The following LRRC72 variants were observed in gnomAD, a reference collection of about 807,000 sequenced individuals.
The protein encoded by LRRC72 is leucine-rich repeat-containing protein 72.
A neutral mutation model predicts 35.8 loss-of-function variants in LRRC72; 41 were observed. The observed-to-expected ratio is 1.15, with a 90% CI of 0.89 to 1.49. The LOEUF (loss-of-function observed/expected upper bound fraction) is 1.49, where lower values mean the gene tolerates loss of function less well. Ranked by LOEUF, LRRC72 falls within the 40% of genes most tolerant of loss-of-function variation. LRRC72 has a pLI of 0.00. For synonymous variants in LRRC72, 118 were observed against 119.2 expected (o/e 0.99, Z 0.07); for missense variants, 389 against 330.7 (o/e 1.18, Z -1.37).
intron 7 of LRRC72, among the ~76,000 whole-genome samples, chr7:16,572,593 A>C (rs1167558857): frequency 6.6e-6 from 1 of 152,238 alleles, no homozygotes; most frequent in Non-Finnish European, 1.5e-5. Context: ...CCTTCAATAA[A>C]ATTCAACACC....
intron 5 of LRRC72, among the ~76,000 whole-genome samples, chr7:16,565,230 C>T (rs1471135659): frequency 2.6e-5 from 4 of 152,114 alleles, no homozygotes; most frequent in East Asian, 1.9e-4. Flanking sequence ...GTCAGCAGTT[C>T]GAGACCAGCC....
At chr7:16,575,802 T>A (rs2128339209) in intron 7 of LRRC72, among the ~76,000 whole-genome samples, 1 of 152,244 alleles carries the variant, frequency 6.6e-6, no homozygotes, top group Middle Eastern at 3.4e-3. Flanking sequence ...ATAGAAAATC[T>A]CCCCTCTTAA....
intron 3 of LRRC72, among the ~76,000 whole-genome samples, chr7:16,538,665 G>A (rs761719481): frequency 6.6e-6 from 1 of 152,204 alleles, no homozygotes; most frequent in Non-Finnish European, 1.5e-5. Flanking sequence ...ATCTCAAATT[G>A]TAATTTCCAC....
At position 16,562,645 on chromosome 7, in the gene LRRC72, CA is replaced by C. The variant is rs542855187; in HGVS notation, c.427+3648del. ...CTGCCGTTGTCTTCAGCAGTGGCCC[CA>C]ATCCACTGCCCATGGCAAAAAGCCA... is the stretch of plus-strand genomic sequence containing the variant. On this transcript the variant is annotated intron_variant, in intron 5 of 8. Coordinates refer to ENST00000401542, the MANE Select transcript of LRRC72 (RefSeq NM_001195280.2). Among the ~76,000 whole-genome samples, 228 of 152,294 alleles carry C rather than the reference CA, an allele frequency of 1.5e-3. 1 individual carries two copies. Among genetic ancestry groups the C allele is most frequent in the African/African-American group, 5.2e-3 (218 of 41,570 alleles).
At chr7:16,541,807 G>A (rs528325136) in intron 3 of LRRC72, among the ~76,000 whole-genome samples, 16 of 152,206 alleles carry the variant, frequency 1.1e-4, no homozygotes, top group African/African-American at 3.1e-4. Flanking sequence ...AGCTACTCGC[G>A]AAGCAGAGGA....
At chr7:16,537,724 C>G in intron 3 of LRRC72, 28 bp downstream of exon 3, 1 of 1,218,212 alleles carries the variant, frequency 8.2e-7, no homozygotes, top group Non-Finnish European at 1.1e-6. Flanking sequence ...CTTTCAATTA[C>G]TAAAATTAAA....
chr7:16,581,471 C>T lies in LRRC72; in HGVS notation c.846C>T (p.Leu282=). The change falls in exon 9 of 9, where the codon CTC becomes CTT. Residue 282 remains leucine (L), a synonymous_variant. Coordinates refer to ENST00000401542, the MANE Select transcript of LRRC72 (RefSeq NM_001195280.2). ...AAGGCACAGAAACAGCTCAAATGCT[C>T]ACAGTTACACTGAGATAAGCCCTGG... ...EEEGTETAQM[L]TVTLR is the part of the protein sequence containing the mutation. 4 of 1,547,416 alleles carry T rather than the reference C, an allele frequency of 2.6e-6. No individual in the cohort carries two copies. Among genetic ancestry groups the T allele is most frequent in the Non-Finnish European group, 3.5e-6 (4 of 1,145,784 alleles).
chr7:16,539,249 C>T (rs1396305092), intron 3 of LRRC72, among the ~76,000 whole-genome samples: 1 of 152,168 alleles, frequency 6.6e-6, no homozygotes. Flanking sequence ...GAGTAAAGGT[C>T]ACTCATGCTA....
chr7:16,555,537 C>T (rs1325672228), intron 3 of LRRC72, among the ~76,000 whole-genome samples: 1 of 152,150 alleles, frequency 6.6e-6, no homozygotes, highest in Non-Finnish European at 1.5e-5. Flanking sequence ...ATTCGGGAGG[C>T]CAAGGCGGGT....
intron 1 of LRRC72, chr7:16,530,382 C>A (rs1341991813): frequency 6.6e-6 from 1 of 152,126 alleles, no homozygotes; most frequent in Non-Finnish European, 1.5e-5. Flanking sequence ...TCTATTGGGG[C>A]CCTCAGTGGA....
At chr7:16,535,690 A>C (rs771227239) in intron 2 of LRRC72, among the ~76,000 whole-genome samples, 1 of 152,152 alleles carries the variant, frequency 6.6e-6, no homozygotes, top group Non-Finnish European at 1.5e-5. Flanking sequence ...CTTCATCAAG[A>C]GTGGGGCAGA....
intron 2 of LRRC72, chr7:16,537,161 T>A (rs1782271360): frequency 6.5e-6 from 1 of 153,180 alleles, no homozygotes; most frequent in South Asian, 2.1e-4. Flanking sequence ...GTCTGTCTCT[T>A]GGTGTCCTGC....
intron 3 of LRRC72, among the ~76,000 whole-genome samples, chr7:16,550,751 T>C (rs1250659675): frequency 6.6e-6 from 1 of 152,240 alleles, no homozygotes; most frequent in Non-Finnish European, 1.5e-5. Flanking sequence ...TTCTTTCTCT[T>C]TCCTGCCCTC....
chr7:16,551,496 C>G (rs1035727727), intron 3 of LRRC72, among the ~76,000 whole-genome samples: 50 of 152,262 alleles, frequency 3.3e-4, no homozygotes, highest in African/African-American at 1.2e-3. Context: ...AAGGTTGGGA[C>G]TTCTGCTTCC....
chr7:16,542,648 A>T (rs1782377029), intron 3 of LRRC72, among the ~76,000 whole-genome samples: 1 of 152,244 alleles, frequency 6.6e-6, no homozygotes, highest in Non-Finnish European at 1.5e-5. Context: ...TTCCAAAGAA[A>T]GCAATCAGAT....
intron 1 of LRRC72, chr7:16,530,393 T>C (rs997447507): frequency 6.6e-6 from 1 of 152,198 alleles, no homozygotes; most frequent in Non-Finnish European, 1.5e-5. Flanking sequence ...CCTCAGTGGA[T>C]TGGATAATAT....
At chr7:16,570,645 C>A (rs1782926622) in intron 7 of LRRC72, among the ~76,000 whole-genome samples, 1 of 151,996 alleles carries the variant, frequency 6.6e-6, no homozygotes, top group Non-Finnish European at 1.5e-5. Context: ...ATGACAAAAC[C>A]CCATCTCTAC....
chr7:16,579,871 G>A (rs978131153), intron 7 of LRRC72, among the ~76,000 whole-genome samples: 2 of 152,028 alleles, frequency 1.3e-5, no homozygotes, highest in African/African-American at 4.8e-5. Context: ...AAAACCTAAG[G>A]CAAAACCCAC....
At chr7:16,563,323 G>A (rs1782774724) in intron 5 of LRRC72, among the ~76,000 whole-genome samples, 2 of 151,708 alleles carry the variant, frequency 1.3e-5, no homozygotes, top group Admixed American at 1.3e-4. Context: ...CTTCATACAC[G>A]TGACTCCTGT....
Sources: gnomAD v4.1 joint callset for allele counts (sites outside exome capture counted in the v4.1 genomes callset) on GRCh38, gnomAD v4.1.1 for gene constraint, MANE v1.5 for transcripts, NCBI Gene and HGNC (gene_info 2026-07-23, HGNC 2026-07-21) for gene names.